The following SNTA1 variants were observed in gnomAD, a reference collection of about 807,000 sequenced individuals.
SNTA1 encodes the protein alpha-1-syntrophin.
SNTA1 carries 31 observed loss-of-function variants against 47.1 expected under a neutral mutation model. The ratio of observed to expected loss-of-function variants is 0.66; its 90% CI spans 0.49 to 0.89. The LOEUF is 0.89. Ranked by LOEUF, SNTA1 falls within the 40% of genes least tolerant of loss-of-function variation. The pLI, the probability that SNTA1 is intolerant of heterozygous loss-of-function variation, is 0.00. For synonymous variants in SNTA1, 300 were observed against 313.6 expected (o/e 0.96, Z 0.46); for missense variants, 575 against 693.0 (o/e 0.83, Z 1.91).
rs1989633999 is a variant in SNTA1 at position 33,407,975 on chromosome 20, G to A, written c.*532C>T. ...CCACATACACTGGGCCGGGCTGCCT[G>A]TGTGCTCACAGGCTGTTTATTTATC... On this transcript the variant is annotated 3_prime_UTR_variant, in exon 8 of 8. Transcript: ENST00000217381. 5.0e-6 allele frequency: 1 copy of A among 200,292 alleles called. No individual in the cohort carries two copies. Among genetic ancestry groups the A allele is most frequent in the East Asian group, 1.2e-4 (1 of 8,630 alleles). 12.4% of individuals were successfully genotyped at this position (200,292 alleles called of 1,614,324 possible).
chr20:33,419,922 T>C (rs535632970), intron 2 of SNTA1, among the ~76,000 whole-genome samples: 10 of 152,240 alleles, frequency 6.6e-5, no homozygotes, highest in African/African-American at 2.4e-4. Flanking sequence ...ACAGCCACTT[T>C]TTTTTTCTTT....
chr20:33,412,382 T>C lies in SNTA1; in HGVS notation c.954A>G (p.Glu318=). Residue 318 remains glutamate, a synonymous_variant, in exon 5 of 8, where the codon GAA becomes GAG. Coordinates refer to ENST00000217381, the MANE Select transcript of SNTA1 (RefSeq NM_003098.3). ...GAGACAAGTAGAGGAGCAGTTCCTT[T>C]TCAGTTAGCAGGGCCAGGGTGGGGG... The part of the protein sequence containing the change: ...GTAPTLALLT[E]KELLLYLSLP... 1 of 1,611,352 alleles carries C rather than the reference T, an allele frequency of 6.2e-7. No homozygotes were observed. Among genetic ancestry groups the C allele is most frequent in the Non-Finnish European group, 8.5e-7 (1 of 1,179,238 alleles).
chr20:33,414,413 C>T (rs533825571), intron 3 of SNTA1, among the ~76,000 whole-genome samples: 2 of 151,902 alleles, frequency 1.3e-5, no homozygotes, highest in African/African-American at 4.8e-5. Flanking sequence ...GCCAACAGGG[C>T]AAAACCCCAT....
chr20:33,417,803 G>A lies in SNTA1; in HGVS notation c.617C>T (p.Pro206Leu), dbSNP rs1568751340. 1 of 1,614,100 alleles carries A rather than the reference G, an allele frequency of 6.2e-7. No homozygotes were observed. The highest frequency in any genetic ancestry group is 1.7e-5 in the Admixed American group (1 of 59,994). Reference sequence around the variant, plus strand: ...GTGTTTGGCCTCGCTGAAGTTCCGGGGTGTGGGGCCAGGGGAGGAAGGCTG... The same window carrying A: ...GTGTTTGGCCTCGCTGAAGTTCCGGAGTGTGGGGCCAGGGGAGGAAGGCTG... ...QRQPSSPGPT[P>L]RNFSEAKHMS... Residue 206 changes from proline (P) to leucine (L), a missense_variant, in exon 3 of 8, where the codon CCC (proline) becomes CTC (leucine). Transcript: ENST00000217381.
In SNTA1 at chr20:33,408,381, G is replaced by A; in HGVS notation, c.*126C>T. On this transcript the variant is annotated 3_prime_UTR_variant, in exon 8 of 8. Transcript: ENST00000217381. Reference sequence around the variant, plus strand: ...CAATCCAGTCTCCCTCAGGGTTGGGGTTTCGGAGGCCCTTGTTCCTCTCCT... The same window carrying A: ...CAATCCAGTCTCCCTCAGGGTTGGGATTTCGGAGGCCCTTGTTCCTCTCCT... The A allele has an allele frequency of 1.3e-6, 1 of 747,132 alleles. No homozygotes were observed. Among genetic ancestry groups the A allele is most frequent in the Non-Finnish European group, 2.4e-6 (1 of 415,706 alleles). The allele number at this position is 747,132 out of a possible 1,614,324, so 46.3% of individuals were successfully genotyped here.
At chr20:33,429,725 C>T (rs371970743) in intron 2 of SNTA1, among the ~76,000 whole-genome samples, 1 of 152,154 alleles carries the variant, frequency 6.6e-6, no homozygotes, top group Non-Finnish European at 1.5e-5. Flanking sequence ...GGAATCCTCC[C>T]ACCTCAGCCT....
At chr20:33,430,633 TAGTGCAGATAAGTATTTA>T (rs1040374893) in intron 2 of SNTA1, among the ~76,000 whole-genome samples, 6 of 151,874 alleles carry the variant, frequency 4.0e-5, no homozygotes, top group Non-Finnish European at 7.4e-5. Context: ...ACATAACCTG[TAGTGCAGATAAGTATTTA>T]AGAAAATGAG....
chr20:33,429,040 CA>C (rs1330998971), intron 2 of SNTA1, among the ~76,000 whole-genome samples: 1 of 150,738 alleles, frequency 6.6e-6, no homozygotes, highest in Non-Finnish European at 1.5e-5. Context: ...GACTCGGTCT[CA>C]AAAAAAACAA....
At chr20:33,422,015 ATGT>A (rs1179850205) in intron 2 of SNTA1, among the ~76,000 whole-genome samples, 1 of 151,058 alleles carries the variant, frequency 6.6e-6, no homozygotes, top group Non-Finnish European at 1.5e-5. Flanking sequence ...ATTAAATAAA[ATGT>A]TGTAAGGCAT....
Position 33,443,397 on chromosome 20 carries a change from G to C in SNTA1, c.224C>G (p.Pro75Arg), listed in dbSNP as rs1273056602. 7.3e-7 allele frequency: 1 copy of C among 1,363,682 alleles called. No homozygotes were observed. The highest frequency in any genetic ancestry group is 1.5e-5 in the African/African-American group (1 of 65,272). The allele number at this position is 1,363,682 out of a possible 1,614,324, so 84.5% of individuals were successfully genotyped here. A position where few individuals can be genotyped will look rare whatever the true frequency, so the allele number is the denominator to read the frequency against. The change falls in exon 1 of 8, where the codon CCG becomes CGG. Residue 75 changes from proline to arginine, a missense_variant. By Grantham distance (103) the Pro-to-Arg change is moderately radical (BLOSUM62 -2). Transcript: ENST00000217381. The part of the protein sequence containing the change: ...NGAAEPGAGP[P>R]QLPEALLLQR... ...GAGCAGTAGCGCCTCTGGCAGCTGC[G>C]GGGGCCCGGCGCCCGGCTCCGCGGC... is the stretch of plus-strand genomic sequence containing the variant.
intron 1 of SNTA1, among the ~76,000 whole-genome samples, chr20:33,440,062 T>C (rs1990541883): frequency 6.6e-6 from 1 of 150,424 alleles, no homozygotes; most frequent in South Asian, 2.1e-4. Context: ...GAGGCGGAGG[T>C]TGCAGTGAGC....
intron 2 of SNTA1, among the ~76,000 whole-genome samples, chr20:33,423,986 T>C (rs553376112): frequency 6.6e-6 from 1 of 152,124 alleles, no homozygotes; most frequent in East Asian, 1.9e-4. Flanking sequence ...GGCTGCCCTG[T>C]TTTCCAGTTC....
intron 3 of SNTA1, among the ~76,000 whole-genome samples, chr20:33,414,635 T>G (rs537852205): frequency 2.0e-5 from 3 of 152,248 alleles, no homozygotes; most frequent in Admixed American, 6.6e-5. Flanking sequence ...AACCACTAAA[T>G]TTTAGGGTTG....
rs142011666 is a variant in SNTA1, at chr20:33,428,142, C to T, written c.497-10219G>A. Among the ~76,000 whole-genome samples the T allele has an allele frequency of 6.0e-3, 906 of 152,248 alleles. 15 individuals are homozygous for T. The highest frequency in any genetic ancestry group is 0.021 in the African/African-American group (880 of 41,556). On this transcript the variant is annotated intron_variant, in intron 2 of 7. Coordinates refer to ENST00000217381, the MANE Select transcript of SNTA1 (RefSeq NM_003098.3). ...GAATGAGGGGCCGGGCACAGTGGCT[C>T]ACACGTGTAATCCCAGCACTTTGGG...
In SNTA1 at chr20:33,423,554, C is replaced by T. The variant is rs531991167; in HGVS notation, c.497-5631G>A. On this transcript the variant is annotated intron_variant, in intron 2 of 7. Coordinates refer to ENST00000217381, the MANE Select transcript of SNTA1 (RefSeq NM_003098.3). ...CTTCCTCCTCAGGGAAGCTGAGGCA[C>T]CTATAAACAGAGGCCCCAATTTCCA... 6.6e-5 allele frequency among the ~76,000 whole-genome samples: 10 copies of T among 152,288 alleles called. No individual in the cohort carries two copies. The East Asian group carries it at 1.7e-3, about 26-fold the overall frequency.
chr20:33,435,010 G>A (rs80206084), intron 2 of SNTA1, among the ~76,000 whole-genome samples: 3 of 42,208 alleles, frequency 7.1e-5, no homozygotes, highest in South Asian at 1.4e-3. Flanking sequence ...TTTTTTTTTT[G>A]AGATGGATTC....
intron 3 of SNTA1, among the ~76,000 whole-genome samples, chr20:33,414,866 C>T (rs1223711609): frequency 6.6e-6 from 1 of 152,094 alleles, no homozygotes; most frequent in African/African-American, 2.4e-5. Flanking sequence ...AATAGCTGAC[C>T]CCTGGACTTC....
In SNTA1 at chr20:33,438,968, A is replaced by G; in HGVS notation, c.369T>C (p.Ala123=). 1 of 1,614,230 alleles carries G rather than the reference A, an allele frequency of 6.2e-7. No individual in the cohort carries two copies. The highest frequency in any genetic ancestry group is 1.1e-5 in the South Asian group (1 of 91,090). ...LISKIFKGLA[A]DQTEALFVGD... is the part of the protein sequence containing the mutation. The stretch of plus-strand genomic sequence containing the variant: ...CCACAAAAAGGGCCTCTGTCTGGTC[A>G]GCTGCCAATCCCTTGAAGATCTTGG... The change falls in exon 2 of 8, where the codon GCT becomes GCC. Residue 123 remains alanine, a synonymous_variant. Transcript: ENST00000217381.
At chr20:33,422,058 G>A (rs934373540) in intron 2 of SNTA1, among the ~76,000 whole-genome samples, 1 of 151,806 alleles carries the variant, frequency 6.6e-6, no homozygotes, top group African/African-American at 2.4e-5. Context: ...CAAGAAGCAG[G>A]TGTTTCTCAC....
Sources: allele counts gnomAD v4.1 joint callset (sites outside exome capture counted in the v4.1 genomes callset), GRCh38; gene constraint gnomAD v4.1.1; transcripts MANE v1.5; gene names NCBI Gene and HGNC (gene_info 2026-07-23, HGNC 2026-07-21).